Variants in TRPM3 observed in about 807,000 individuals in gnomAD.
TRPM3 encodes long transient receptor potential channel 3.
Under a neutral mutation model 181.2 loss-of-function variants are expected in TRPM3, and 77 were observed. The observed-to-expected ratio is 0.42, with a 90% CI of 0.35 to 0.51. TRPM3 has a LOEUF of 0.51. Ranked by LOEUF, TRPM3 falls within the 20% of genes least tolerant of loss-of-function variation. TRPM3 has a pLI of 0.01. For synonymous variants in TRPM3, 745 were observed against 796.4 expected (o/e 0.94, Z 1.09); for missense variants, 1,759 against 2,196.7 (o/e 0.80, Z 3.98).
At chr9:71,140,860 T>C (rs1249652448) in intron 1 of TRPM3, among the ~76,000 whole-genome samples, 2 of 152,158 alleles carry the variant, frequency 1.3e-5, no homozygotes, top group African/African-American at 2.4e-5. Flanking sequence ...CAAGGTACGA[T>C]GTTAGCAGAG....
chr9:70,630,510 G>C (rs1485649435), intron 12 of TRPM3, among the ~76,000 whole-genome samples: 1 of 152,200 alleles, frequency 6.6e-6, no homozygotes, highest in Non-Finnish European at 1.5e-5. Context: ...AAGCAGAGAA[G>C]GTGAGCAGTA....
chr9:71,424,247 A>C (rs1400255453), intron 1 of TRPM3, among the ~76,000 whole-genome samples: 1 of 152,110 alleles, frequency 6.6e-6, no homozygotes, highest in African/African-American at 2.4e-5. Context: ...ATTTTTGTTT[A>C]CATATAGGTC....
chr9:70,838,767 G>A (rs754074448), intron 5 of TRPM3, among the ~76,000 whole-genome samples: 1 of 152,134 alleles, frequency 6.6e-6, no homozygotes, highest in Non-Finnish European at 1.5e-5. Flanking sequence ...TCAGGCCTAA[G>A]TGGCAGGGGA....
chr9:70,623,389 G>A (rs529850246), intron 14 of TRPM3, among the ~76,000 whole-genome samples: 23 of 150,480 alleles, frequency 1.5e-4, no homozygotes, highest in Admixed American at 4.0e-4. Context: ...AAAAAATCAT[G>A]CCCACTACCA....
At chr9:70,666,279 T>A (rs1448324581) in intron 9 of TRPM3, among the ~76,000 whole-genome samples, 1 of 152,258 alleles carries the variant, frequency 6.6e-6, no homozygotes, top group East Asian at 1.9e-4. Flanking sequence ...AACTATCACC[T>A]TGGGTCTCCC....
At chr9:71,418,812 AC>A (rs1242822795) in intron 1 of TRPM3, among the ~76,000 whole-genome samples, 2 of 13,786 alleles carry the variant, frequency 1.5e-4, no homozygotes, top group Non-Finnish European at 7.6e-4. Context: ...CTATATATAT[AC>A]TATATATATA....
chr9:71,271,037 T>C (rs543170482), intron 1 of TRPM3, among the ~76,000 whole-genome samples: 1 of 152,278 alleles, frequency 6.6e-6, no homozygotes, highest in South Asian at 2.1e-4. Flanking sequence ...AATAGAACTA[T>C]CCAAATAAGT....
At chr9:71,082,362 A>G (rs1330963466) in intron 1 of TRPM3, among the ~76,000 whole-genome samples, 1 of 152,122 alleles carries the variant, frequency 6.6e-6, no homozygotes, top group African/African-American at 2.4e-5. Context: ...CACACTCATG[A>G]CATGTTGTCT....
chr9:70,538,236 A>G (rs946546012), intron 25 of TRPM3, among the ~76,000 whole-genome samples: 2 of 152,158 alleles, frequency 1.3e-5, no homozygotes, highest in African/African-American at 4.8e-5. Flanking sequence ...CTTATATTAC[A>G]GTTATTGCTA....
intron 1 of TRPM3, among the ~76,000 whole-genome samples, chr9:71,040,596 T>C (rs906513448): frequency 3.9e-5 from 6 of 152,194 alleles, no homozygotes; most frequent in East Asian, 3.9e-4. Flanking sequence ...ATGGTTATAA[T>C]TGATTCAGAA....
intron 5 of TRPM3, among the ~76,000 whole-genome samples, chr9:70,838,939 C>T (rs191064015): frequency 6.6e-6 from 1 of 152,212 alleles, no homozygotes; most frequent in Admixed American, 6.5e-5. Flanking sequence ...GATCACACAT[C>T]TTTCAAAAGC....
chr9:71,241,094 C>T (rs1407920803), intron 1 of TRPM3, among the ~76,000 whole-genome samples: 2 of 152,124 alleles, frequency 1.3e-5, no homozygotes, highest in East Asian at 1.9e-4. Flanking sequence ...AGAAAAATAA[C>T]TTAAAATTTT....
intron 17 of TRPM3, among the ~76,000 whole-genome samples, chr9:70,616,283 T>C (rs555998495): frequency 6.6e-6 from 1 of 152,156 alleles, no homozygotes; most frequent in East Asian, 1.9e-4. Flanking sequence ...AAGAGGATCA[T>C]TTTGTCCCAT....
At chr9:70,597,949 T>C (rs1370695091) in intron 21 of TRPM3, among the ~76,000 whole-genome samples, 11 of 152,208 alleles carry the variant, frequency 7.2e-5, no homozygotes. Context: ...TGTTAAAAAT[T>C]TGTAGTGGAG....
chr9:71,306,296 G>A (rs553635536), intron 1 of TRPM3, among the ~76,000 whole-genome samples: 36 of 152,276 alleles, frequency 2.4e-4, no homozygotes, highest in African/African-American at 7.5e-4. Context: ...TGAGAGCCAC[G>A]CAGCAAATGA....
chr9:70,562,586 C>T (rs962295650), intron 22 of TRPM3, among the ~76,000 whole-genome samples: 2 of 139,948 alleles, frequency 1.4e-5, no homozygotes, highest in African/African-American at 2.7e-5. Context: ...AGCAGGATGT[C>T]GCAAATCTAG....
At chr9:71,354,683 C>T (rs1318156725) in intron 1 of TRPM3, among the ~76,000 whole-genome samples, 2 of 152,178 alleles carry the variant, frequency 1.3e-5, no homozygotes, top group African/African-American at 4.8e-5. Flanking sequence ...CTTGAGACAT[C>T]CCTGCCACCG....
chr9:71,446,903 G>A, upstream of TRPM3: 1 of 1,418,502 alleles, frequency 7.0e-7, no homozygotes, highest in African/African-American at 1.5e-5. Flanking sequence ...CCTCGCCGCG[G>A]GTCTCCCTCC....
At chr9:71,436,298 C>CTTTT (rs71352382) in intron 1 of TRPM3, among the ~76,000 whole-genome samples, 177 of 77,280 alleles carry the variant, frequency 2.3e-3, no homozygotes, top group African/African-American at 6.6e-3. Context: ...TTTTTTCTTT[C>CTTTT]TTTTTTTTTT....
Sources: gnomAD v4.1 joint callset for allele counts (sites outside exome capture counted in the v4.1 genomes callset) on GRCh38, gnomAD v4.1.1 for gene constraint, MANE v1.5 for transcripts, NCBI Gene and HGNC (gene_info 2026-07-23, HGNC 2026-07-21) for gene names.